PLCB4: variants seen among roughly 807,000 people sequenced by gnomAD.
PLCB4 encodes phospholipase C beta 4, also known as 1-phosphatidylinositol 4,5-bisphosphate phosphodiesterase beta-4.
A neutral mutation model predicts 178.8 loss-of-function variants in PLCB4; 77 were observed. That is an observed-to-expected ratio of 0.43 (90% CI 0.36 to 0.52). The LOEUF (loss-of-function observed/expected upper bound fraction) is 0.52, where lower values mean the gene tolerates loss of function less well. PLCB4 is among the 20% of genes least tolerant of loss of function. The pLI is 0.00. For missense variants in PLCB4, 1,024 were observed against 1,453.4 expected, an observed-to-expected ratio of 0.70 and a Z score of 4.80; for synonymous variants, 496 against 490.8, an observed-to-expected ratio of 1.01 and a Z score of -0.14.
rs944068519 is a variant in PLCB4 at position 9,199,093 on chromosome 20, G to A, written c.-78-18297G>A. Among the ~76,000 whole-genome samples the A allele has an allele frequency of 7.2e-5, 11 of 152,246 alleles. No individual in the cohort carries two copies. In the East Asian group the frequency reaches 1.5e-3, roughly 21 times the overall value. ...GCAGGAAGATAATATTGCCAATGGG[G>A]ACTCTATTAGTAAGTGTTAATAAAT... On this transcript the variant is annotated intron_variant, in intron 2 of 39. Coordinates refer to ENST00000378473, the MANE Select transcript of PLCB4 (RefSeq NM_001377142.1).
At position 9,339,059 on chromosome 20, in the gene PLCB4, C is replaced by T. The variant is rs754825551; in HGVS notation, c.369+22C>T. On this transcript the variant is annotated intron_variant, in intron 7 of 39. Coordinates refer to ENST00000378473, the MANE Select transcript of PLCB4 (RefSeq NM_001377142.1). Reference sequence around the variant, plus strand: ...TAAGGTAGCTTCAGTTAAATGGCCTCCTTCTCTTCCCCACCATGTATATAT... The same window carrying T: ...TAAGGTAGCTTCAGTTAAATGGCCTTCTTCTCTTCCCCACCATGTATATAT... 5 of 1,589,618 alleles carry T rather than the reference C, an allele frequency of 3.1e-6. No individual in the cohort carries two copies. The Admixed American group carries it at 6.8e-5, about 21-fold the overall frequency.
chr20:9,454,147 T>C (rs1172113687), intron 33 of PLCB4, among the ~76,000 whole-genome samples: 2 of 152,196 alleles, frequency 1.3e-5, no homozygotes, highest in Non-Finnish European at 2.9e-5. Context: ...TTCTTTTGGA[T>C]TTGTCTGATA....
chr20:9,459,788 C>G lies in PLCB4; in HGVS notation c.3226C>G (p.Gln1076Glu), dbSNP rs2043281551. 2 of 1,608,710 alleles carry G rather than the reference C, an allele frequency of 1.2e-6. No homozygotes were observed. The highest frequency in any genetic ancestry group is 3.3e-5 in the Admixed American group (2 of 59,898). The change falls in exon 35 of 40, where the codon CAG becomes GAG. Residue 1076 changes from glutamine to glutamate, a missense_variant. By Grantham distance (29) the Gln-to-Glu change is conservative. This residue lies in a region of PLCB4 where 264 missense variants were observed against 283.2 expected (regional missense o/e 0.93). Transcript: ENST00000378473. ...LINAHEQQTQ[Q>E]LKLSHDRESK... ...CAATGCCCACGAGCAGCAAACCCAGCAGCTGAAACTGTCCCATGACAGGTG... is the reference window on the plus strand; with the variant it reads ...CAATGCCCACGAGCAGCAAACCCAGGAGCTGAAACTGTCCCATGACAGGTG...
chr20:9,423,652 A>G (rs2040802345), intron 27 of PLCB4, 96 bp from the exon 28 acceptor site: 1 of 905,224 alleles, frequency 1.1e-6, no homozygotes, highest in Non-Finnish European at 1.8e-6. Context: ...ATCAGGGAAC[A>G]TTTAAGAACA....
At chr20:9,462,536 G>A (rs2043470259) in intron 35 of PLCB4, among the ~76,000 whole-genome samples, 2 of 152,076 alleles carry the variant, frequency 1.3e-5, no homozygotes, top group African/African-American at 4.8e-5. Context: ...CTAGATGAAT[G>A]GATAACTATA....
At chr20:9,203,453 A>G (rs1418531659) in intron 2 of PLCB4, among the ~76,000 whole-genome samples, 1 of 152,220 alleles carries the variant, frequency 6.6e-6, no homozygotes, top group Admixed American at 6.5e-5. Context: ...ATTCTGGAGC[A>G]ACAGCTCTTG....
At chr20:9,405,920 G>A (rs763374905) in intron 21 of PLCB4, among the ~76,000 whole-genome samples, 9 of 152,280 alleles carry the variant, frequency 5.9e-5, no homozygotes, top group Middle Eastern at 3.4e-3. Context: ...TCAGAGGTTC[G>A]GAAAATACTG....
intron 8 of PLCB4, among the ~76,000 whole-genome samples, chr20:9,365,247 A>C (rs187725049): frequency 6.6e-6 from 1 of 152,218 alleles, no homozygotes; most frequent in Non-Finnish European, 1.5e-5. Flanking sequence ...AAAGAAAATT[A>C]CCTGTTGTTT....
At position 9,379,894 on chromosome 20, in the gene PLCB4, T is replaced by C. The variant is rs181700691; in HGVS notation, c.745-160T>C. Among the ~76,000 whole-genome samples, 10 of 152,266 alleles carry C rather than the reference T, an allele frequency of 6.6e-5. No homozygotes were observed. The East Asian group carries it at 1.9e-3, about 29-fold the overall frequency. On this transcript the variant is annotated intron_variant, in intron 12 of 39. Transcript: ENST00000378473. ...TCCCAAATGTGGACTTTTTGAAGTATACTTTAAGGAGAAAGGCAGGAAGGC... is the reference window on the plus strand; with the variant it reads ...TCCCAAATGTGGACTTTTTGAAGTACACTTTAAGGAGAAAGGCAGGAAGGC...
chr20:9,278,042 G>A (rs1156267573), intron 3 of PLCB4, among the ~76,000 whole-genome samples: 1 of 152,110 alleles, frequency 6.6e-6, no homozygotes, highest in Non-Finnish European at 1.5e-5. Context: ...AAGCCACCCA[G>A]AGTGAATGTT....
At chr20:9,128,501 C>G (rs1343434521) in intron 2 of PLCB4, among the ~76,000 whole-genome samples, 1 of 152,160 alleles carries the variant, frequency 6.6e-6, no homozygotes, top group Non-Finnish European at 1.5e-5. Flanking sequence ...ACTGCATCCT[C>G]TGCCTCCCAA....
At chr20:9,245,153 G>A (rs1016994593) in intron 3 of PLCB4, among the ~76,000 whole-genome samples, 1 of 152,184 alleles carries the variant, frequency 6.6e-6, no homozygotes, top group African/African-American at 2.4e-5. Context: ...GAGAGACAGA[G>A]AAAGAGACTG....
intron 3 of PLCB4, among the ~76,000 whole-genome samples, chr20:9,275,812 A>G (rs1156539252): frequency 6.6e-6 from 1 of 152,042 alleles, no homozygotes; most frequent in African/African-American, 2.4e-5. Flanking sequence ...TTATCTCATG[A>G]CCTTCTCAAA....
At chr20:9,365,360 A>G (rs1034626513) in intron 8 of PLCB4, 101 bp from the exon 9 acceptor site, 1 of 717,216 alleles carries the variant, frequency 1.4e-6, no homozygotes, top group Non-Finnish European at 2.4e-6. Context: ...TTCAGAACCA[A>G]TGTTCTTGAT....
intron 32 of PLCB4, among the ~76,000 whole-genome samples, chr20:9,446,269 C>G (rs1169807430): frequency 6.6e-6 from 1 of 152,212 alleles, no homozygotes; most frequent in Non-Finnish European, 1.5e-5. Flanking sequence ...AGTCCAGAAT[C>G]CATAGTCTTG....
At chr20:9,196,309 T>G (rs2147164639) in intron 2 of PLCB4, among the ~76,000 whole-genome samples, 1 of 152,302 alleles carries the variant, frequency 6.6e-6, no homozygotes, top group South Asian at 2.1e-4. Context: ...AGGGCCATAT[T>G]ATCAGGGGTG....
At position 9,260,349 on chromosome 20, in the gene PLCB4, G is replaced by A. The variant is rs374254717; in HGVS notation, c.-16+42897G>A. ...TAATAAACATAGTTATTCTCTTTTTGTAAAAAGTTTCTAATTGAAGGATAT... is the reference window on the plus strand; with the variant it reads ...TAATAAACATAGTTATTCTCTTTTTATAAAAAGTTTCTAATTGAAGGATAT... On this transcript the variant is annotated intron_variant, in intron 3 of 39. Coordinates refer to ENST00000378473, the MANE Select transcript of PLCB4 (RefSeq NM_001377142.1). Among the ~76,000 whole-genome samples the A allele has an allele frequency of 6.6e-5, 10 of 152,070 alleles. No individual in the cohort carries two copies. The East Asian group carries it at 9.6e-4, about 15-fold the overall frequency.
intron 3 of PLCB4, among the ~76,000 whole-genome samples, chr20:9,265,537 T>C (rs2147581048): frequency 6.6e-6 from 1 of 152,066 alleles, no homozygotes; most frequent in Admixed American, 6.6e-5. Flanking sequence ...AGCAGTTATG[T>C]GGTATAGGGG....
chr20:9,203,993 G>C (rs1230395987), intron 2 of PLCB4, among the ~76,000 whole-genome samples: 1 of 151,646 alleles, frequency 6.6e-6, no homozygotes, highest in East Asian at 1.9e-4. Flanking sequence ...TTGATCACTT[G>C]GTTCTTTCTC....
Sources: allele counts gnomAD v4.1 joint callset (sites outside exome capture counted in the v4.1 genomes callset), GRCh38; gene constraint gnomAD v4.1.1; regional missense constraint gnomAD v4.1.1; transcripts MANE v1.5; gene names NCBI Gene and HGNC (gene_info 2026-07-23, HGNC 2026-07-21).